IFT80: variants seen among roughly 807,000 people sequenced by gnomAD.
The protein encoded by IFT80 is intraflagellar transport protein 80 homolog.
Under a neutral mutation model 107.9 loss-of-function variants are expected in IFT80, and 79 were observed. The ratio of observed to expected loss-of-function variants is 0.73; its 90% CI spans 0.61 to 0.88. The LOEUF is 0.88. IFT80 is among the 40% of genes least tolerant of loss of function. The pLI, the probability that IFT80 is intolerant of heterozygous loss-of-function variation, is 0.00. For missense variants in IFT80, 797 were observed against 914.2 expected, an observed-to-expected ratio of 0.87 and a Z score of 1.65; for synonymous variants, 299 against 300.9, an observed-to-expected ratio of 0.99 and a Z score of 0.07.
intron 9 of IFT80, among the ~76,000 whole-genome samples, chr3:160,309,580 A>G (rs1717081273): frequency 6.6e-6 from 1 of 152,036 alleles, no homozygotes; most frequent in African/African-American, 2.4e-5. Flanking sequence ...CCAGCTACTC[A>G]GGAGGCTGAG....
Position 160,282,466 on chromosome 3 carries a change from A to C in IFT80, c.1516+12T>G. On this transcript the variant is annotated intron_variant, in intron 14 of 19. Transcript: ENST00000326448. ...GACAATTAAAACTTAAAATGTATTAAAATTATTTTACCAAGCTTGATAATT... is the reference window on the plus strand; with the variant it reads ...GACAATTAAAACTTAAAATGTATTACAATTATTTTACCAAGCTTGATAATT... 2 of 1,536,146 alleles carry C rather than the reference A, an allele frequency of 1.3e-6. No homozygotes were observed. Among genetic ancestry groups the C allele is most frequent in the Non-Finnish European group, 1.8e-6 (2 of 1,119,616 alleles).
chr3:160,357,440 T>C (rs1241245715), intron 7 of IFT80, 49 bp downstream of exon 7: 1 of 1,009,822 alleles, frequency 9.9e-7, no homozygotes, highest in Non-Finnish European at 1.6e-6. Context: ...TGCTAAGTAC[T>C]TATAAATTTG....
chr3:160,358,434 C>T (rs1321540768), intron 6 of IFT80, among the ~76,000 whole-genome samples: 3 of 152,174 alleles, frequency 2.0e-5, no homozygotes, highest in African/African-American at 7.2e-5. Flanking sequence ...TGGTTTACAA[C>T]TGGACTACTC....
intron 3 of IFT80, among the ~76,000 whole-genome samples, chr3:160,378,375 T>C (rs1201941177): frequency 6.6e-6 from 1 of 152,154 alleles, no homozygotes; most frequent in African/African-American, 2.4e-5. Context: ...TATATACATA[T>C]GTCTATTATG....
rs115300165 is a variant in IFT80, at chr3:160,307,454, A to G, written c.1076+209T>C. Among the ~76,000 whole-genome samples the G allele has an allele frequency of 4.4e-3, 677 of 152,260 alleles. 7 individuals carry two copies. Among genetic ancestry groups the G allele is most frequent in the African/African-American group, 0.016 (652 of 41,552 alleles). On this transcript the variant is annotated intron_variant, in intron 10 of 19. Coordinates refer to ENST00000326448, the MANE Select transcript of IFT80 (RefSeq NM_020800.3). ...ATGAGCCATTGCGCCTCGCTTGTCT[A>G]TTAACTGTTGATGTACAAACCTCGT...
intron 8 of IFT80, among the ~76,000 whole-genome samples, chr3:160,341,823 C>T (rs1719918476): frequency 6.6e-6 from 1 of 152,192 alleles, no homozygotes; most frequent in African/African-American, 2.4e-5. Flanking sequence ...TCTCCTAGCA[C>T]TCCAGTTCCT....
intron 7 of IFT80, 76 bp downstream of exon 7, chr3:160,357,413 A>G: frequency 1.2e-6 from 1 of 813,438 alleles, no homozygotes; most frequent in Non-Finnish European, 2.0e-6. Flanking sequence ...GTAAAAAACT[A>G]AAAGAATATT....
chr3:160,284,246 TTAC>T (rs1255214128), intron 13 of IFT80, among the ~76,000 whole-genome samples: 1 of 152,080 alleles, frequency 6.6e-6, no homozygotes, highest in African/African-American at 2.4e-5. Context: ...TAGGAAATTC[TTAC>T]ACTTAGGAAA....
rs1206214419 is a variant in IFT80, at chr3:160,313,065, ATT to A, written c.958-5286_958-5285del. On this transcript the variant is annotated intron_variant, in intron 9 of 19. Coordinates refer to ENST00000326448, the MANE Select transcript of IFT80 (RefSeq NM_020800.3). ...ATAATATATAATAAATATAATATAT[ATT>A]ATATATATTTTATATAATATATATT... is the stretch of plus-strand genomic sequence containing the variant. Among the ~76,000 whole-genome samples the A allele has an allele frequency of 3.7e-3, 385 of 104,370 alleles. 5 individuals carry two copies. The highest frequency in any genetic ancestry group is 0.014 in the African/African-American group (374 of 27,230). 68.5% of individuals were successfully genotyped at this position (104,370 alleles called of 152,430 possible). A position where few individuals can be genotyped will look rare whatever the true frequency, so the allele number is the denominator to read the frequency against.
At chr3:160,309,356 A>T (rs1717056396) in intron 9 of IFT80, among the ~76,000 whole-genome samples, 1 of 152,198 alleles carries the variant, frequency 6.6e-6, no homozygotes, top group South Asian at 2.1e-4. Context: ...AGCTATAAAA[A>T]GGAATAAGGA....
rs760780945 is a variant in IFT80, at chr3:160,307,738, C to T, written c.1001G>A (p.Arg334His). The T allele has an allele frequency of 2.1e-5, 34 of 1,604,690 alleles. No homozygotes were observed. Among genetic ancestry groups the T allele is most frequent in the Middle Eastern group, 1.7e-4 (1 of 6,054 alleles). The change falls in exon 10 of 20, where the codon CGT becomes CAT. Residue 334 changes from arginine to histidine, a missense_variant. Coordinates refer to ENST00000326448, the MANE Select transcript of IFT80 (RefSeq NM_020800.3). ...CAAAGATGCTTTAATGACTCTATCA[C>T]GGAATTCCAGTAAATCCACTGCATC... ...LNDAVDLLEF[R>H]DRVIKASLNY...
chr3:160,258,647 A>T lies in IFT80; in HGVS notation c.2224-12T>A. The T allele has an allele frequency of 6.2e-7, 1 of 1,609,766 alleles. No individual in the cohort carries two copies. The highest frequency in any genetic ancestry group is 8.5e-7 in the Non-Finnish European group (1 of 1,179,670). On this transcript the variant is annotated splice_polypyrimidine_tract_variant and intron_variant, in intron 19 of 19. Transcript: ENST00000326448. ...CAATCTATTTGGAGCTGCAATAGAA[A>T]AAAAAAAGAAGAAATATGCTTAGAT...
At chr3:160,293,951 G>C (rs1440238391) in intron 12 of IFT80, among the ~76,000 whole-genome samples, 1 of 152,166 alleles carries the variant, frequency 6.6e-6, no homozygotes, top group Non-Finnish European at 1.5e-5. Context: ...TGATGTGCCA[G>C]GAAGGTGATG....
chr3:160,356,946 C>A (rs1057330648), intron 7 of IFT80, among the ~76,000 whole-genome samples: 1 of 152,166 alleles, frequency 6.6e-6, no homozygotes, highest in African/African-American at 2.4e-5. Context: ...TTCCTCTCTA[C>A]AAATTATTTT....
chr3:160,265,521 T>A (rs1227436077), intron 19 of IFT80, among the ~76,000 whole-genome samples: 1 of 152,214 alleles, frequency 6.6e-6, no homozygotes, highest in Non-Finnish European at 1.5e-5. Context: ...ATTCTTTGAG[T>A]GGATTTTATT....
intron 9 of IFT80, among the ~76,000 whole-genome samples, chr3:160,315,354 A>G (rs952031268): frequency 3.9e-5 from 6 of 152,152 alleles, no homozygotes; most frequent in Non-Finnish European, 5.9e-5. Context: ...ATAAGCTGTT[A>G]ATTTACATTG....
At chr3:160,380,479 A>G (rs1712390444) in intron 3 of IFT80, among the ~76,000 whole-genome samples, 1 of 152,128 alleles carries the variant, frequency 6.6e-6, no homozygotes, top group Non-Finnish European at 1.5e-5. Context: ...ATGTGCAGAG[A>G]GTCTACCCAA....
rs754779981 is a variant in IFT80, at chr3:160,285,867, T to A, written c.1317A>T (p.Ile439=). 10 of 1,609,132 alleles carry A rather than the reference T, an allele frequency of 6.2e-6. 1 individual carries two copies. In the South Asian group the frequency reaches 6.6e-5, roughly 11 times the overall value. Residue 439 remains isoleucine (I), a splice_region_variant and synonymous_variant, in exon 13 of 20, where the codon ATA becomes ATT. Transcript: ENST00000326448. Reference sequence around the variant, plus strand: ...CGGTTGATGCCTCAAAGAGGAAGATTACTTGAAAAAAAGTAGAACATTAAT... The same window carrying A: ...CGGTTGATGCCTCAAAGAGGAAGATAACTTGAAAAAAAGTAGAACATTAAT... ...IAIRDKADEK[I]IFLFEASTGK...
At chr3:160,279,643 A>G (rs566673213) in intron 15 of IFT80, among the ~76,000 whole-genome samples, 5 of 151,358 alleles carry the variant, frequency 3.3e-5, no homozygotes, top group East Asian at 3.9e-4. Context: ...TTTGAGAGCT[A>G]TTCCTAAGAG....
Sources: allele counts gnomAD v4.1 joint callset (sites outside exome capture counted in the v4.1 genomes callset), GRCh38; gene constraint gnomAD v4.1.1; transcripts MANE v1.5; gene names NCBI Gene and HGNC (gene_info 2026-07-23, HGNC 2026-07-21).